MAGI1: variants seen among roughly 807,000 people sequenced by gnomAD.
MAGI1 encodes the protein membrane-associated guanylate kinase, WW and PDZ domain-containing protein 1.
MAGI1 carries 58 observed loss-of-function variants against 139.9 expected under a neutral mutation model. That is an observed-to-expected ratio of 0.41 (90% CI 0.34 to 0.52). The LOEUF (loss-of-function observed/expected upper bound fraction) is 0.52, where lower values mean the gene tolerates loss of function less well. Among genes scored for constraint, MAGI1 ranks in the 20% least tolerant of loss-of-function variants. The pLI is 0.12. For missense variants in MAGI1, 1,874 were observed against 1,901.6 expected (o/e 0.99, Z 0.27); for synonymous variants, 812 against 737.9 (o/e 1.10, Z -1.63).
rs2069062707 is a variant in MAGI1 at position 66,038,505 on chromosome 3, C to T, written c.-197G>A. The T allele has an allele frequency of 4.2e-6, 3 of 705,994 alleles. No individual in the cohort carries two copies. The highest frequency in any genetic ancestry group is 6.3e-6 in the Non-Finnish European group (3 of 475,072). 43.7% of individuals were successfully genotyped at this position (705,994 alleles called of 1,614,324 possible). ...ATCATAAAACAAACTTTCTGGGCTTCCCCGCGAGCCCCGCACAGGCGCCCG... is the reference window on the plus strand; with the variant it reads ...ATCATAAAACAAACTTTCTGGGCTTTCCCGCGAGCCCCGCACAGGCGCCCG... On this transcript the variant is annotated 5_prime_UTR_variant, in exon 1 of 23. Transcript: ENST00000402939.
intron 1 of MAGI1, among the ~76,000 whole-genome samples, chr3:65,694,143 CCAAA>C (rs781543704): frequency 6.6e-5 from 10 of 152,128 alleles, no homozygotes; most frequent in Non-Finnish European, 1.5e-4. Context: ...AGATAACTAA[CCAAA>C]CAAACAGAAA....
At chr3:65,587,742 A>G (rs2081760184) in intron 2 of MAGI1, among the ~76,000 whole-genome samples, 1 of 152,112 alleles carries the variant, frequency 6.6e-6, no homozygotes, top group African/African-American at 2.4e-5. Flanking sequence ...TTGGTCTCCC[A>G]AAGTGCTAAG....
At chr3:65,616,658 G>A (rs892158053) in intron 2 of MAGI1, among the ~76,000 whole-genome samples, 1 of 152,174 alleles carries the variant, frequency 6.6e-6, no homozygotes, top group African/African-American at 2.4e-5. Flanking sequence ...CAAGGGCAGA[G>A]AAACAGCAAT....
intron 1 of MAGI1, among the ~76,000 whole-genome samples, chr3:65,824,409 C>T (rs958112941): frequency 6.6e-6 from 1 of 152,148 alleles, no homozygotes; most frequent in Non-Finnish European, 1.5e-5. Context: ...TGAACATATA[C>T]CATTACATGA....
At chr3:65,725,158 T>C (rs544314613) in intron 1 of MAGI1, among the ~76,000 whole-genome samples, 1 of 152,330 alleles carries the variant, frequency 6.6e-6, no homozygotes, top group South Asian at 2.1e-4. Flanking sequence ...TGATTCTTTA[T>C]CCCTTTCAGT....
chr3:65,637,593 AAAGAAAGAAAGAAAG>A, intron 1 of MAGI1, among the ~76,000 whole-genome samples: 1 of 151,706 alleles, frequency 6.6e-6, no homozygotes, highest in Non-Finnish European at 1.5e-5. Flanking sequence ...AGAAAGAAAG[AAAGAAAGAAAGAAAG>A]AAAGAAAGAA....
At chr3:65,826,356 T>G (rs1218706820) in intron 1 of MAGI1, among the ~76,000 whole-genome samples, 1 of 152,208 alleles carries the variant, frequency 6.6e-6, no homozygotes, top group East Asian at 1.9e-4. Context: ...ATGAGCTACT[T>G]ATATTTGGGA....
At chr3:65,730,596 G>A (rs191673196) in intron 1 of MAGI1, among the ~76,000 whole-genome samples, 15 of 152,268 alleles carry the variant, frequency 9.9e-5, no homozygotes, top group Non-Finnish European at 2.2e-4. Context: ...TGTGATTCAC[G>A]ACGTATGACC....
In MAGI1 at chr3:65,429,762, A is replaced by G. The variant is rs1479038251; in HGVS notation, c.1925T>C (p.Ile642Thr). The G allele has an allele frequency of 6.2e-7, 1 of 1,613,994 alleles. No homozygotes were observed. Among genetic ancestry groups the G allele is most frequent in the Non-Finnish European group, 8.5e-7 (1 of 1,179,958 alleles). The change falls in exon 12 of 23, where the codon ATA (isoleucine) becomes ACA (threonine). Residue 642 changes from isoleucine to threonine, a missense_variant. Physicochemically the swap from Ile to Thr is moderately conservative, Grantham distance 89. Transcript: ENST00000402939. ...TGGCCCTTTGACAATATGAACAGTT[A>G]TGAGTTCTGGCTGAGTGGCTATGGA... ...ASSIATQPEL[I>T]TVHIVKGPMG... is the part of the protein sequence containing the mutation.
At chr3:65,986,332 C>A (rs757950198) in intron 1 of MAGI1, among the ~76,000 whole-genome samples, 1 of 152,166 alleles carries the variant, frequency 6.6e-6, no homozygotes, top group Non-Finnish European at 1.5e-5. Flanking sequence ...GAAATAGATT[C>A]TATAAATACC....
At chr3:65,410,252 C>T (rs80236471) in intron 12 of MAGI1, among the ~76,000 whole-genome samples, 2,270 of 152,244 alleles carry the variant, frequency 0.015, 59 homozygotes, top group African/African-American at 0.051. Flanking sequence ...AGGTTGAAAG[C>T]TTAGTGCAAA....
chr3:65,999,743 G>C (rs749908748), intron 1 of MAGI1, among the ~76,000 whole-genome samples: 10 of 151,890 alleles, frequency 6.6e-5, no homozygotes, highest in Non-Finnish European at 1.3e-4. Context: ...TTGCCATTAA[G>C]AACTAGTTGC....
chr3:65,830,844 T>A (rs546167584), intron 1 of MAGI1, among the ~76,000 whole-genome samples: 1 of 152,274 alleles, frequency 6.6e-6, no homozygotes, highest in East Asian at 1.9e-4. Context: ...TGACATCTGC[T>A]AATACAAATG....
At position 65,837,140 on chromosome 3, in the gene MAGI1, A is replaced by T. The variant is rs531525078; in HGVS notation, c.313+200856T>A. Among the ~76,000 whole-genome samples, 3 of 152,312 alleles carry T rather than the reference A, an allele frequency of 2.0e-5. No individual in the cohort carries two copies. The South Asian group carries it at 6.2e-4, about 32-fold the overall frequency. Reference sequence around the variant, plus strand: ...AAAAAAATAAAAAAATAAAAAACACAGAACTTGCTTCTCCACGAAGTATTA... The same window carrying T: ...AAAAAAATAAAAAAATAAAAAACACTGAACTTGCTTCTCCACGAAGTATTA... On this transcript the variant is annotated intron_variant, in intron 1 of 22. Transcript: ENST00000402939.
rs141122582 is a variant in MAGI1 at position 65,468,947 on chromosome 3, CAATAAATAAATA to C, written c.959+1324_959+1335del. Among the ~76,000 whole-genome samples the C allele has an allele frequency of 5.9e-4, 79 of 134,724 alleles. 1 individual carries two copies. Among genetic ancestry groups the C allele is most frequent in the African/African-American group, 2.1e-3 (77 of 35,894 alleles). The allele number at this position is 134,724 out of a possible 152,430, so 88.4% of individuals were successfully genotyped here. On this transcript the variant is annotated intron_variant, in intron 5 of 22. Coordinates refer to ENST00000402939, the MANE Select transcript of MAGI1 (RefSeq NM_001033057.2). ...TGAGGCCCCATCTCAGGAAGGGAAACAATAAATAAATAAATAAATAAATAAATAAATAAATAA... is the reference window on the plus strand; with the variant it reads ...TGAGGCCCCATCTCAGGAAGGGAAACAATAAATAAATAAATAAATAAATAA...
At position 66,022,887 on chromosome 3, in the gene MAGI1, G is replaced by A. The variant is rs114373847; in HGVS notation, c.313+15109C>T. ...ATACACTGTGGAGGAACTTAACTGT[G>A]CATTTGCACTGTGACATGGCTAAAC... is the stretch of plus-strand genomic sequence containing the variant. On this transcript the variant is annotated intron_variant, in intron 1 of 22. Transcript: ENST00000402939. 7.3e-3 allele frequency among the ~76,000 whole-genome samples: 1,119 copies of A among 152,292 alleles called. 17 individuals are homozygous for A. The highest frequency in any genetic ancestry group is 0.026 in the African/African-American group (1,066 of 41,564).
At chr3:65,837,639 C>T (rs1235294750) in intron 1 of MAGI1, among the ~76,000 whole-genome samples, 5 of 152,212 alleles carry the variant, frequency 3.3e-5, no homozygotes, top group African/African-American at 1.2e-4. Context: ...GGTATAAACA[C>T]TAAATACGAA....
intron 2 of MAGI1, among the ~76,000 whole-genome samples, chr3:65,587,671 G>A (rs1274189551): frequency 3.3e-5 from 5 of 151,616 alleles, no homozygotes; most frequent in African/African-American, 1.2e-4. Context: ...TTGTAGAGAT[G>A]AGGTTTCACC....
intron 1 of MAGI1, among the ~76,000 whole-genome samples, chr3:65,657,351 T>C (rs73832903): frequency 0.017 from 2,607 of 151,518 alleles, 72 homozygotes; most frequent in African/African-American, 0.06. Context: ...TCCAAGCACA[T>C]TGGGAGGCTG....
Sources: gnomAD v4.1 joint callset for allele counts (sites outside exome capture counted in the v4.1 genomes callset) on GRCh38, gnomAD v4.1.1 for gene constraint, MANE v1.5 for transcripts, NCBI Gene and HGNC (gene_info 2026-07-23, HGNC 2026-07-21) for gene names.